The following CCSER2 variants were observed in gnomAD, a reference collection of about 807,000 sequenced individuals.
CCSER2 encodes serine-rich coiled-coil domain-containing protein 2.
Under a neutral mutation model 92.3 loss-of-function variants are expected in CCSER2, and 46 were observed. That is an observed-to-expected ratio of 0.50 (90% CI 0.39 to 0.64). The LOEUF is 0.64. CCSER2 is among the 30% of genes least tolerant of loss of function. The pLI is 0.00. For missense variants in CCSER2, 1,244 were observed against 1,238.9 expected, an observed-to-expected ratio of 1.00 and a Z score of -0.06; for synonymous variants, 433 against 431.4, an observed-to-expected ratio of 1.00 and a Z score of -0.04.
intron 9 of CCSER2, among the ~76,000 whole-genome samples, chr10:84,483,435 T>A (rs1847574861): frequency 6.7e-6 from 1 of 150,020 alleles, no homozygotes; most frequent in African/African-American, 2.4e-5. Flanking sequence ...GCCTCAGATA[T>A]ACTGGGTCAA....
intron 6 of CCSER2, among the ~76,000 whole-genome samples, chr10:84,448,534 T>G (rs1462734033): frequency 6.6e-6 from 1 of 152,170 alleles, no homozygotes; most frequent in Non-Finnish European, 1.5e-5. Context: ...AATGGCTTGT[T>G]AAGAAAGGAA....
intron 3 of CCSER2, among the ~76,000 whole-genome samples, chr10:84,376,485 G>A (rs1846344242): frequency 6.6e-6 from 1 of 152,046 alleles, no homozygotes; most frequent in Admixed American, 6.6e-5. Flanking sequence ...TCATAAAGGT[G>A]CTGGTTTATA....
At chr10:84,483,439 G>A (rs1171382332) in intron 9 of CCSER2, among the ~76,000 whole-genome samples, 2 of 150,196 alleles carry the variant, frequency 1.3e-5, no homozygotes, top group Non-Finnish European at 3.0e-5. Flanking sequence ...CAGATATACT[G>A]GGTCAAGTAT....
chr10:84,482,279 G>T (rs1847503442), intron 9 of CCSER2, among the ~76,000 whole-genome samples: 1 of 152,098 alleles, frequency 6.6e-6, no homozygotes, highest in South Asian at 2.1e-4. Context: ...CAAAATACCC[G>T]GATACAATGG....
chr10:84,392,778 A>C (rs1841598233), intron 3 of CCSER2, among the ~76,000 whole-genome samples: 1 of 152,202 alleles, frequency 6.6e-6, no homozygotes, highest in Admixed American at 6.5e-5. Context: ...GGCTGGGTGG[A>C]ATAAATGGGG....
chr10:84,490,803 G>C (rs1239474529), intron 9 of CCSER2, among the ~76,000 whole-genome samples: 1 of 152,224 alleles, frequency 6.6e-6, no homozygotes, highest in Non-Finnish European at 1.5e-5. Context: ...TCCTTTGGAG[G>C]GGGAGAGGTG....
At chr10:84,336,771 A>T (rs893461042) in intron 1 of CCSER2, among the ~76,000 whole-genome samples, 3 of 152,244 alleles carry the variant, frequency 2.0e-5, no homozygotes, top group African/African-American at 7.2e-5. Context: ...TGTTATAAGT[A>T]GAACTCTCAG....
At chr10:84,501,907 T>C (rs1451532488) in intron 9 of CCSER2, among the ~76,000 whole-genome samples, 1 of 118,028 alleles carries the variant, frequency 8.5e-6, no homozygotes, top group Non-Finnish European at 1.8e-5. Context: ...TCTCACGGCC[T>C]GTGCATCTAA....
In CCSER2 at chr10:84,423,054, C is replaced by CA. The variant is rs201299980; in HGVS notation, c.1706-2661dup. On this transcript the variant is annotated intron_variant, in intron 4 of 9. Transcript: ENST00000372088. ...TAGGCAACAGAGCTAGACTTCATCT[C>CA]AAAAAAAAAAAAAAAATTGTCTCTG... Among the ~76,000 whole-genome samples, 1,119 of 122,398 alleles carry CA rather than the reference C, an allele frequency of 9.1e-3. 5 individuals carry two copies. Among genetic ancestry groups the CA allele is most frequent in the East Asian group, 0.016 (67 of 4,184 alleles). The allele number at this position is 122,398 out of a possible 152,430, so 80.3% of individuals were successfully genotyped here.
chr10:84,423,432 A>G (rs1267813865), intron 4 of CCSER2, among the ~76,000 whole-genome samples: 1 of 152,198 alleles, frequency 6.6e-6, no homozygotes, highest in Non-Finnish European at 1.5e-5. Context: ...AAGATTCCTC[A>G]ATTTGGAGTC....
At position 84,467,646 on chromosome 10, in the gene CCSER2, C is replaced by T. The variant is rs369860240; in HGVS notation, c.2149-2726C>T. On this transcript the variant is annotated intron_variant, in intron 7 of 9. Transcript: ENST00000372088. ...GGCTCCATCATGTCCCCACCTCCCC[C>T]CTACTGCCCACCCACCTGTGTAACA... Among the ~76,000 whole-genome samples, 11 of 152,290 alleles carry T rather than the reference C, an allele frequency of 7.2e-5. No individual in the cohort carries two copies. The Middle Eastern group carries it at 0.01, about 141-fold the overall frequency.
chr10:84,455,779 G>T, intron 6 of CCSER2: 1 of 1,110,680 alleles, frequency 9.0e-7, no homozygotes, highest in Non-Finnish European at 1.4e-6. Flanking sequence ...CTCCAGTTAA[G>T]GTAATGTAGA....
intron 8 of CCSER2, among the ~76,000 whole-genome samples, chr10:84,472,653 A>G (rs1846886222): frequency 6.6e-6 from 1 of 152,200 alleles, no homozygotes; most frequent in African/African-American, 2.4e-5. Context: ...TAAAATTAGA[A>G]AAGTAAATTT....
At chr10:84,492,600 C>A (rs910073922) in intron 9 of CCSER2, among the ~76,000 whole-genome samples, 1 of 152,156 alleles carries the variant, frequency 6.6e-6, no homozygotes, top group African/African-American at 2.4e-5. Flanking sequence ...TGTTAGCTAT[C>A]GATATTTGGG....
At chr10:84,348,612 T>C (rs1246997049) in intron 1 of CCSER2, among the ~76,000 whole-genome samples, 1 of 152,188 alleles carries the variant, frequency 6.6e-6, no homozygotes, top group Non-Finnish European at 1.5e-5. Context: ...ATGGGGCCAC[T>C]ACTCTGTGTA....
intron 1 of CCSER2, among the ~76,000 whole-genome samples, chr10:84,367,707 C>CTTTT (rs71013317): frequency 7.1e-6 from 1 of 141,464 alleles, no homozygotes; most frequent in African/African-American, 2.6e-5. Flanking sequence ...CTTTTCCTTG[C>CTTTT]TTTTTTTTTT....
chr10:84,350,515 A>G (rs1844803424), intron 1 of CCSER2, among the ~76,000 whole-genome samples: 1 of 152,148 alleles, frequency 6.6e-6, no homozygotes, highest in South Asian at 2.1e-4. Flanking sequence ...TAAATATTTG[A>G]ATATTTGAGT....
At position 84,465,314 on chromosome 10, in the gene CCSER2, ATTTTTTTTT is replaced by A. The variant is rs34510394; in HGVS notation, c.2148+1319_2148+1327del. On this transcript the variant is annotated intron_variant, in intron 7 of 9. Transcript: ENST00000372088. Reference sequence around the variant, plus strand: ...GTGAAAAAGTTTTTTACATGTAAAGATTTTTTTTTTTTTTTTTTTTTTTTTTTTTAGACG... The same window carrying A: ...GTGAAAAAGTTTTTTACATGTAAAGATTTTTTTTTTTTTTTTTTTTAGACG... 5.3e-3 allele frequency among the ~76,000 whole-genome samples: 266 copies of A among 49,890 alleles called. 1 individual carries two copies. Among genetic ancestry groups the A allele is most frequent in the Non-Finnish European group, 7.8e-3 (227 of 28,918 alleles). The allele number at this position is 49,890 out of a possible 152,430, so 32.7% of individuals were successfully genotyped here.
rs1479860195 is a variant in CCSER2 at position 84,372,241 on chromosome 10, A to G, written c.1189A>G (p.Ile397Val). 4 of 1,613,354 alleles carry G rather than the reference A, an allele frequency of 2.5e-6. No homozygotes were observed. Among genetic ancestry groups the G allele is most frequent in the South Asian group, 2.2e-5 (2 of 91,062 alleles). ...MRYLSDDVDD[I>V]SLSSLSSSDK... is the part of the protein sequence containing the mutation. ...ATACCTGAGTGATGATGTGGATGAC[A>G]TTTCCTTGTCGTCTTTGTCATCTTC... is the stretch of plus-strand genomic sequence containing the variant. The change falls in exon 2 of 10, where the codon ATT becomes GTT. Residue 397 changes from isoleucine (I) to valine (V), a missense_variant. Coordinates refer to ENST00000372088, the MANE Select transcript of CCSER2 (RefSeq NM_001284240.2).
Sources: allele counts gnomAD v4.1 joint callset (sites outside exome capture counted in the v4.1 genomes callset), GRCh38; gene constraint gnomAD v4.1.1; transcripts MANE v1.5; gene names NCBI Gene and HGNC (gene_info 2026-07-23, HGNC 2026-07-21).